Variants in XIRP2 observed in about 807,000 individuals in gnomAD.
XIRP2 encodes the protein xin actin binding repeat containing 2.
In XIRP2, 236 loss-of-function variants were observed where a neutral mutation model predicts 277.0. The observed-to-expected ratio is 0.85, with a 90% confidence interval of 0.77 to 0.95. The LOEUF (loss-of-function observed/expected upper bound fraction) is 0.95, where lower values mean the gene tolerates loss of function less well. Ranked by LOEUF, XIRP2 falls within the 40% of genes least tolerant of loss-of-function variation. XIRP2 has a pLI of 0.00. For missense variants in XIRP2, 4,640 were observed against 4,157.5 expected, an observed-to-expected ratio of 1.12 and a Z score of -3.19; for synonymous variants, 1,490 against 1,416.5, an observed-to-expected ratio of 1.05 and a Z score of -1.17.
At chr2:166,930,004 A>G (rs1290396022) in intron 2 of XIRP2, among the ~76,000 whole-genome samples, 1 of 152,162 alleles carries the variant, frequency 6.6e-6, no homozygotes, top group Non-Finnish European at 1.5e-5. Flanking sequence ...CTAAATGACA[A>G]TGTATAGCTA....
At chr2:167,253,682 T>G (rs1398802893) in intron 9 of XIRP2, among the ~76,000 whole-genome samples, 1 of 151,754 alleles carries the variant, frequency 6.6e-6, no homozygotes, top group African/African-American at 2.4e-5. Flanking sequence ...GAGTATTTTA[T>G]ATGTATATAT....
chr2:167,030,788 G>C (rs1468248419), intron 2 of XIRP2, among the ~76,000 whole-genome samples: 3 of 152,010 alleles, frequency 2.0e-5, no homozygotes, highest in African/African-American at 7.2e-5. Context: ...TCGACAGTGG[G>C]GTGTTAAAGT....
chr2:167,254,033 A>G lies in XIRP2; in HGVS notation c.10557A>G (p.Glu3519=). 1 of 1,577,294 alleles carries G rather than the reference A, an allele frequency of 6.3e-7. No homozygotes were observed. Among genetic ancestry groups the G allele is most frequent in the Non-Finnish European group, 8.6e-7 (1 of 1,163,968 alleles). The change falls in exon 10 of 11, where the codon GAA becomes GAG. Residue 3519 remains glutamate, a splice_region_variant and synonymous_variant. Transcript: ENST00000409195. ...GGCTTTGTAAATTTTTATTTTTAGAAGCTGCTGCTCCAAGACAAGGAAATA... is the reference window on the plus strand; with the variant it reads ...GGCTTTGTAAATTTTTATTTTTAGAGGCTGCTGCTCCAAGACAAGGAAATA... ...TFQEESAFIS[E]AAAPRQGNMY...
intron 2 of XIRP2, among the ~76,000 whole-genome samples, chr2:166,908,771 C>G (rs1229688032): frequency 6.6e-6 from 1 of 152,134 alleles, no homozygotes; most frequent in Non-Finnish European, 1.5e-5. Flanking sequence ...ACTCTTTAAT[C>G]CATCTTGAAT....
intron 6 of XIRP2, 51 bp downstream of exon 6, chr2:167,240,016 A>C: frequency 6.8e-7 from 1 of 1,472,550 alleles, no homozygotes; most frequent in Non-Finnish European, 9.1e-7. Context: ...GACTGTATGG[A>C]AATTATGACT....
chr2:167,081,094 A>T (rs1689716313), intron 2 of XIRP2, among the ~76,000 whole-genome samples: 1 of 152,200 alleles, frequency 6.6e-6, no homozygotes, highest in Non-Finnish European at 1.5e-5. Context: ...TAAAATAACT[A>T]TATATAACTT....
At chr2:167,194,253 G>A (rs1157287023) in intron 3 of XIRP2, among the ~76,000 whole-genome samples, 2 of 151,564 alleles carry the variant, frequency 1.3e-5, no homozygotes, top group East Asian at 3.9e-4. Context: ...CCTAATTTTT[G>A]TATTTTTAGT....
At chr2:167,196,956 T>C (rs1693538777) in intron 3 of XIRP2, among the ~76,000 whole-genome samples, 1 of 152,170 alleles carries the variant, frequency 6.6e-6, no homozygotes, top group African/African-American at 2.4e-5. Context: ...GACATGAATG[T>C]ATTTGGAATT....
chr2:167,034,519 A>C (rs2105510059), intron 2 of XIRP2, among the ~76,000 whole-genome samples: 1 of 151,672 alleles, frequency 6.6e-6, no homozygotes, highest in South Asian at 2.1e-4. Flanking sequence ...AAAAAAAAAG[A>C]CCCAGTGATT....
intron 2 of XIRP2, among the ~76,000 whole-genome samples, chr2:166,978,091 A>C (rs189811414): frequency 6.6e-6 from 1 of 152,174 alleles, no homozygotes. Flanking sequence ...ATTTCTTTCT[A>C]TACAGATTTT....
chr2:167,133,783 G>C (rs993759994), intron 2 of XIRP2, among the ~76,000 whole-genome samples: 3 of 152,200 alleles, frequency 2.0e-5, no homozygotes, highest in Non-Finnish European at 4.4e-5. Context: ...TGTCATAGCA[G>C]TCACCTTCCA....
At chr2:167,169,457 T>C (rs1296798275) in intron 3 of XIRP2, among the ~76,000 whole-genome samples, 2 of 152,234 alleles carry the variant, frequency 1.3e-5, no homozygotes, top group Non-Finnish European at 2.9e-5. Flanking sequence ...GGTTACTGTT[T>C]AGAGTTTCTG....
At chr2:167,014,109 AT>A (rs1349917156) in intron 2 of XIRP2, among the ~76,000 whole-genome samples, 2 of 151,618 alleles carry the variant, frequency 1.3e-5, no homozygotes, top group East Asian at 3.9e-4. Context: ...TGATGCTCTT[AT>A]CCCCCTCTTT....
At chr2:167,114,003 C>A (rs371663088) in intron 2 of XIRP2, among the ~76,000 whole-genome samples, 1 of 152,142 alleles carries the variant, frequency 6.6e-6, no homozygotes, top group South Asian at 2.1e-4. Flanking sequence ...CCGCTTTTAG[C>A]CTGATTTGTT....
intron 5 of XIRP2, among the ~76,000 whole-genome samples, chr2:167,233,812 G>T (rs766647630): frequency 6.6e-6 from 1 of 151,234 alleles, no homozygotes; most frequent in African/African-American, 2.4e-5. Flanking sequence ...TAGTGTCTCT[G>T]GTTTTAAGAT....
At chr2:166,946,601 A>C (rs1032114002) in intron 2 of XIRP2, among the ~76,000 whole-genome samples, 2 of 152,152 alleles carry the variant, frequency 1.3e-5, no homozygotes, top group African/African-American at 4.8e-5. Context: ...AGATTTGAAG[A>C]GGTTTTTTAA....
intron 2 of XIRP2, among the ~76,000 whole-genome samples, chr2:167,030,480 T>A (rs1359650329): frequency 1.3e-5 from 2 of 152,292 alleles, no homozygotes; most frequent in South Asian, 4.1e-4. Context: ...TACCCAGTAG[T>A]CATTCAGGAG....
chr2:167,176,532 C>G (rs1333465814), intron 3 of XIRP2, among the ~76,000 whole-genome samples: 1 of 152,172 alleles, frequency 6.6e-6, no homozygotes, highest in Non-Finnish European at 1.5e-5. Flanking sequence ...GCTCTATTGA[C>G]TGTGTTTTCT....
At chr2:166,894,333 CT>C (rs1684185284) in intron 1 of XIRP2, among the ~76,000 whole-genome samples, 2 of 152,096 alleles carry the variant, frequency 1.3e-5, no homozygotes, top group African/African-American at 4.8e-5. Flanking sequence ...AGCAGATCAC[CT>C]GGCAGGAACG....
Sources: allele counts gnomAD v4.1 joint callset (sites outside exome capture counted in the v4.1 genomes callset), GRCh38; gene constraint gnomAD v4.1.1; transcripts MANE v1.5; gene names NCBI Gene and HGNC (gene_info 2026-07-23, HGNC 2026-07-21).